USP13: variants seen among roughly 807,000 people sequenced by gnomAD.
USP13 encodes ubiquitin specific peptidase 13, also known as ubiquitin carboxyl-terminal hydrolase 13.
USP13 carries 68 observed loss-of-function variants against 107.8 expected under a neutral mutation model. That is an observed-to-expected ratio of 0.63 (90% confidence interval 0.52 to 0.77). The LOEUF (loss-of-function observed/expected upper bound fraction) is 0.77, where lower values mean the gene tolerates loss of function less well. USP13 is among the 30% of genes least tolerant of loss of function. The pLI, the probability that USP13 is intolerant of heterozygous loss-of-function variation, is 0.00. For synonymous variants in USP13, 377 were observed against 389.5 expected, an observed-to-expected ratio of 0.97 and a Z score of 0.38; for missense variants, 945 against 1,093.3, an observed-to-expected ratio of 0.86 and a Z score of 1.91.
chr3:179,762,788 C>G (rs986370894), intron 17 of USP13, among the ~76,000 whole-genome samples: 1 of 152,130 alleles, frequency 6.6e-6, no homozygotes, highest in African/African-American at 2.4e-5. Flanking sequence ...TATGGTAACT[C>G]TATATTTAAT....
chr3:179,665,038 G>T (rs1326829582), intron 1 of USP13, among the ~76,000 whole-genome samples: 1 of 152,072 alleles, frequency 6.6e-6, no homozygotes, highest in Non-Finnish European at 1.5e-5. Flanking sequence ...AGTGAGCCAA[G>T]ATCGCGCCAT....
intron 6 of USP13, among the ~76,000 whole-genome samples, chr3:179,718,759 T>G (rs1713196061): frequency 1.3e-5 from 2 of 152,028 alleles, no homozygotes; most frequent in East Asian, 3.9e-4. Flanking sequence ...GATTCTGCAT[T>G]TCTTTTCTTT....
Position 179,660,586 on chromosome 3 carries a change from A to G in USP13, c.168+7193A>G, listed in dbSNP as rs115633901. On this transcript the variant is annotated intron_variant, in intron 1 of 20. Coordinates refer to ENST00000263966, the MANE Select transcript of USP13 (RefSeq NM_003940.3). Reference sequence around the variant, plus strand: ...TGACTGTTGTGAATAAAGCTGCTTCAGTTGTTGGTGTACAAGTATTTGTTT... The same window carrying G: ...TGACTGTTGTGAATAAAGCTGCTTCGGTTGTTGGTGTACAAGTATTTGTTT... Among the ~76,000 whole-genome samples the G allele has an allele frequency of 3.7e-3, 570 of 152,316 alleles. 1 individual carries two copies. The highest frequency in any genetic ancestry group is 0.013 in the African/African-American group (543 of 41,584).
At chr3:179,715,626 G>C (rs887014874) in intron 6 of USP13, among the ~76,000 whole-genome samples, 20 of 152,090 alleles carry the variant, frequency 1.3e-4, no homozygotes, top group African/African-American at 4.8e-4. Context: ...GCCTCCCAAA[G>C]TGCTGAGATT....
intron 6 of USP13, among the ~76,000 whole-genome samples, chr3:179,716,581 C>T (rs566618038): frequency 4.6e-5 from 7 of 152,272 alleles, no homozygotes; most frequent in African/African-American, 1.4e-4. Context: ...GCCAGGCATG[C>T]TAGACTTAAC....
chr3:179,701,076 T>G lies in USP13; in HGVS notation c.424T>G (p.Phe142Val). 6.2e-7 allele frequency: 1 copy of G among 1,614,104 alleles called. No individual in the cohort carries two copies. Among genetic ancestry groups the G allele is most frequent in the Non-Finnish European group, 8.5e-7 (1 of 1,180,016 alleles). The stretch of plus-strand genomic sequence containing the variant: ...TGAAGATGAAGCCAAACTTGTTATA[T>G]TCCCAGATCACTATGAAATAGCACT... ...EYEDEAKLVI[F>V]PDHYEIALPN... The change falls in exon 4 of 21, where the codon TTC (phenylalanine) becomes GTC (valine). Residue 142 changes from phenylalanine to valine, a missense_variant. Transcript: ENST00000263966.
intron 8 of USP13, among the ~76,000 whole-genome samples, chr3:179,724,411 T>C (rs189651251): frequency 9.9e-4 from 148 of 149,250 alleles, no homozygotes; most frequent in Non-Finnish European, 1.6e-3. Context: ...TGAGCCGAGA[T>C]TGCTCTACTG....
Position 179,765,699 on chromosome 3 carries a change from A to G in USP13, c.2264A>G (p.Asn755Ser). ...QAIQALRATN[N>S]NLERALDWIF... ...CTGTTTCTTTTTTGTTGTTAGAATA[A>G]TAACCTGGAAAGAGCACTGGATTGG... Residue 755 changes from asparagine to serine, a missense_variant, in exon 19 of 21, where the codon AAT becomes AGT. Physicochemically the swap from Asn to Ser is conservative, Grantham distance 46. Coordinates refer to ENST00000263966, the MANE Select transcript of USP13 (RefSeq NM_003940.3). The G allele has an allele frequency of 6.2e-7, 1 of 1,613,742 alleles. No individual in the cohort carries two copies. The highest frequency in any genetic ancestry group is 2.2e-5 in the East Asian group (1 of 44,876).
intron 3 of USP13, among the ~76,000 whole-genome samples, chr3:179,694,799 C>CAAAAAAA (rs576517737): frequency 1.2e-5 from 1 of 82,178 alleles, no homozygotes; most frequent in African/African-American, 4.7e-5. Context: ...AACTCCATCT[C>CAAAAAAA]AAAAAAAAAA....
rs778469036 is a variant in USP13, at chr3:179,742,285, G to A, written c.1469G>A (p.Arg490His). The A allele has an allele frequency of 1.6e-5, 26 of 1,614,086 alleles. No homozygotes were observed. The highest frequency in any genetic ancestry group is 4.5e-5 in the East Asian group (2 of 44,904). ...CAGTGCTGTCAGACCCGGAAAGTCC[G>A]CTACACGGAGAGGGTGGATTACCTG... ...RIQCCQTRKV[R>H]YTERVDYLMQ... Residue 490 changes from arginine to histidine, a missense_variant, in exon 12 of 21, where the codon CGC (arginine) becomes CAC (histidine). Coordinates refer to ENST00000263966, the MANE Select transcript of USP13 (RefSeq NM_003940.3). This position sits in a 1 kb window ranked among gnomAD's most constrained non-coding sequence, Gnocchi z 5.0.
chr3:179,756,413 AAAACAAACAAACAAACAAAC>A (rs71628093), intron 15 of USP13, among the ~76,000 whole-genome samples: 2 of 150,186 alleles, frequency 1.3e-5, no homozygotes, highest in African/African-American at 4.9e-5. Context: ...CTGTCTCAAA[AAAACAAACAAACAAACAAAC>A]AAACAAACAA....
chr3:179,658,800 G>A (rs185511863), intron 1 of USP13, among the ~76,000 whole-genome samples: 22 of 152,278 alleles, frequency 1.4e-4, no homozygotes, highest in East Asian at 9.7e-4. Context: ...AAAAGCCCTC[G>A]CTCTTCCAAG....
intron 2 of USP13, among the ~76,000 whole-genome samples, chr3:179,686,530 C>G (rs554933530): frequency 1.3e-5 from 2 of 152,332 alleles, no homozygotes; most frequent in Non-Finnish European, 2.9e-5. Context: ...ACAGAGTGAG[C>G]TATTATCAGG....
At chr3:179,688,718 G>A (rs997189588) in intron 2 of USP13, among the ~76,000 whole-genome samples, 1 of 152,180 alleles carries the variant, frequency 6.6e-6, no homozygotes, top group African/African-American at 2.4e-5. Context: ...AGGAAGGGAG[G>A]AGGCAGTGAG....
chr3:179,778,552 T>G (rs1183823580), intron 19 of USP13, among the ~76,000 whole-genome samples: 1 of 152,082 alleles, frequency 6.6e-6, no homozygotes, highest in East Asian at 1.9e-4. Flanking sequence ...TTACCTGAGG[T>G]CAGGCGTTCG....
Position 179,721,461 on chromosome 3 carries a change from C to T in USP13, c.960C>T (p.Ile320=), listed in dbSNP as rs1713313864. Residue 320 remains isoleucine (I), a synonymous_variant, in exon 8 of 21, where the codon ATC becomes ATT. Transcript: ENST00000263966. The surrounding 1 kb of genome is among the most constrained non-coding windows in gnomAD (Gnocchi z 4.3). The part of the protein sequence containing the change: ...IKLRVSEWEV[I]QESGTKLKPM... ...TGAGGGTCAGTGAGTGGGAAGTGAT[C>T]CAGGAGTCGGGCACGAAACTGAAGC... 6.2e-7 allele frequency: 1 copy of T among 1,613,940 alleles called. No homozygotes were observed. The highest frequency in any genetic ancestry group is 1.1e-5 in the South Asian group (1 of 91,074).
At chr3:179,685,854 C>T (rs530185803) in intron 2 of USP13, among the ~76,000 whole-genome samples, 1 of 152,236 alleles carries the variant, frequency 6.6e-6, no homozygotes, top group South Asian at 2.1e-4. Flanking sequence ...GTCCTGAAGA[C>T]CTTCAGGCCC....
chr3:179,654,956 C>A (rs1048406804), intron 1 of USP13, among the ~76,000 whole-genome samples: 1 of 151,848 alleles, frequency 6.6e-6, no homozygotes, highest in Non-Finnish European at 1.5e-5. Context: ...TCGAAAAGAT[C>A]CACAGAGTGG....
At chr3:179,708,330 A>T (rs183815574) in intron 5 of USP13, among the ~76,000 whole-genome samples, 71 of 149,882 alleles carry the variant, frequency 4.7e-4, no homozygotes, top group Non-Finnish European at 8.7e-4. Context: ...TTTTTGAGAC[A>T]GAGTCTTGCT....
Sources: allele counts gnomAD v4.1 joint callset (sites outside exome capture counted in the v4.1 genomes callset), GRCh38; gene constraint gnomAD v4.1.1; non-coding constraint Gnocchi (gnomAD v3.1); transcripts MANE v1.5; gene names NCBI Gene and HGNC (gene_info 2026-07-23, HGNC 2026-07-21).